The following RBFOX1 variants were observed in gnomAD, a reference collection of about 807,000 sequenced individuals.
The protein encoded by RBFOX1 is RNA binding fox-1 homolog 1, also known as RNA binding protein fox-1 homolog 1.
A neutral mutation model predicts 57.7 loss-of-function variants in RBFOX1; 8 were observed. The observed-to-expected ratio is 0.14, with a 90% CI of 0.08 to 0.25. The LOEUF (loss-of-function observed/expected upper bound fraction) is 0.25. Ranked by LOEUF, RBFOX1 falls within the 10% of genes least tolerant of loss-of-function variation. The probability of loss-of-function intolerance (pLI) is 1.00; values close to 1 mark genes in which losing one functional copy is unlikely to be tolerated. For missense variants in RBFOX1, 611 were observed against 548.5 expected, an observed-to-expected ratio of 1.11 and a Z score of -1.14; for synonymous variants, 326 against 222.4, an observed-to-expected ratio of 1.47 and a Z score of -4.15.
intron 1 of RBFOX1, among the ~76,000 whole-genome samples, chr16:6,261,564 C>G (rs754944763): frequency 6.6e-6 from 1 of 152,222 alleles, no homozygotes; most frequent in South Asian, 2.1e-4. Context: ...GGAATCGAGC[C>G]TTCTCAGCCA....
intron 2 of RBFOX1, among the ~76,000 whole-genome samples, chr16:6,386,183 T>G (rs1458550847): frequency 1.8e-4 from 28 of 152,100 alleles, no homozygotes; most frequent in Admixed American, 1.8e-3. Context: ...GATCCGCCCG[T>G]CTCGGCCTCC....
chr16:7,253,856 G>A (rs998086498), intron 4 of RBFOX1, among the ~76,000 whole-genome samples: 5 of 152,126 alleles, frequency 3.3e-5, no homozygotes, highest in Non-Finnish European at 5.9e-5. Context: ...GAGCTCTTGA[G>A]AAATGCATAT....
At chr16:6,688,487 AT>A (rs2059762762) in intron 3 of RBFOX1, among the ~76,000 whole-genome samples, 1 of 152,036 alleles carries the variant, frequency 6.6e-6, no homozygotes, top group African/African-American at 2.4e-5. Flanking sequence ...GGGGATTTTC[AT>A]TTTCTCCATA....
Position 5,708,718 on chromosome 16 carries a change from C to T in RBFOX1, c.318+109757C>T, listed in dbSNP as rs776876781. Reference sequence around the variant, plus strand: ...GTTGTTCCAGTGGTATATCTGGCACCGGCTTGGGCAATAAAAATCCATCTT... The same window carrying T: ...GTTGTTCCAGTGGTATATCTGGCACTGGCTTGGGCAATAAAAATCCATCTT... On this transcript the variant is annotated intron_variant, in intron 3 of 19. Coordinates refer to the RBFOX1 transcript ENST00000641259. 5.9e-5 allele frequency among the ~76,000 whole-genome samples: 9 copies of T among 152,110 alleles called. No homozygotes were observed. In the East Asian group the frequency reaches 7.7e-4, roughly 13 times the overall value.
intron 2 of RBFOX1, among the ~76,000 whole-genome samples, chr16:5,552,117 A>C (rs1036477461): frequency 6.6e-6 from 1 of 152,166 alleles, no homozygotes; most frequent in African/African-American, 2.4e-5. Flanking sequence ...AAGATAATGT[A>C]GTCAGCCCAG....
In RBFOX1 at chr16:6,165,730, G is replaced by A. The variant is rs952637807; in HGVS notation, c.-127+145738G>A. On this transcript the variant is annotated intron_variant, in intron 1 of 15. Coordinates refer to ENST00000550418, the MANE Select transcript of RBFOX1 (RefSeq NM_018723.4). Reference sequence around the variant, plus strand: ...AAATGAAATGTTTTATGGCTACAGCGTAATGCTCTCCTCATTTTTGTTCAG... The same window carrying A: ...AAATGAAATGTTTTATGGCTACAGCATAATGCTCTCCTCATTTTTGTTCAG... Among the ~76,000 whole-genome samples the A allele has an allele frequency of 9.9e-5, 15 of 152,206 alleles. No individual in the cohort carries two copies. The East Asian group carries it at 2.5e-3, about 25-fold the overall frequency.
intron 5 of RBFOX1, among the ~76,000 whole-genome samples, chr16:7,548,197 G>T (rs2085171828): frequency 6.6e-6 from 1 of 152,114 alleles, no homozygotes; most frequent in Non-Finnish European, 1.5e-5. Context: ...TTGAGACAGA[G>T]AGTCCCATCT....
intron 3 of RBFOX1, among the ~76,000 whole-genome samples, chr16:5,766,599 C>G (rs890890501): frequency 2.0e-5 from 3 of 152,038 alleles, no homozygotes; most frequent in African/African-American, 7.2e-5. Flanking sequence ...AACAAACAAA[C>G]AAACAAAATG....
At chr16:6,508,391 C>T (rs181196856) in intron 2 of RBFOX1, among the ~76,000 whole-genome samples, 1 of 152,234 alleles carries the variant, frequency 6.6e-6, no homozygotes, top group East Asian at 1.9e-4. Flanking sequence ...TGTAAGTAGA[C>T]TTAACACTCC....
intron 2 of RBFOX1, among the ~76,000 whole-genome samples, chr16:5,592,012 C>G (rs1596366902): frequency 6.6e-6 from 1 of 152,188 alleles, no homozygotes; most frequent in Non-Finnish European, 1.5e-5. Flanking sequence ...CAAATTTCTT[C>G]TTTGTCAGTC....
intron 1 of RBFOX1, among the ~76,000 whole-genome samples, chr16:6,178,147 G>A (rs1476208876): frequency 1.4e-5 from 2 of 144,514 alleles, no homozygotes; most frequent in Non-Finnish European, 3.0e-5. Flanking sequence ...GGACCAGCCT[G>A]TGTCCTTGCC....
At chr16:7,325,406 C>T (rs766286377) in intron 4 of RBFOX1, among the ~76,000 whole-genome samples, 1 of 152,198 alleles carries the variant, frequency 6.6e-6, no homozygotes, top group Non-Finnish European at 1.5e-5. Flanking sequence ...AACTACTATA[C>T]TATGGTGCTT....
chr16:6,124,226 G>T (rs1050475992), intron 1 of RBFOX1, among the ~76,000 whole-genome samples: 1 of 152,150 alleles, frequency 6.6e-6, no homozygotes, highest in African/African-American at 2.4e-5. Context: ...GTCCATGCTG[G>T]GTCCACATTC....
chr16:6,169,152 G>A (rs926895631), intron 1 of RBFOX1, among the ~76,000 whole-genome samples: 1 of 152,174 alleles, frequency 6.6e-6, no homozygotes, highest in African/African-American at 2.4e-5. Flanking sequence ...TGATCTTGGG[G>A]TCATTGGAGT....
At chr16:6,887,814 C>G (rs955603763) in intron 3 of RBFOX1, among the ~76,000 whole-genome samples, 1 of 152,056 alleles carries the variant, frequency 6.6e-6, no homozygotes, top group African/African-American at 2.4e-5. Context: ...AGGCACTCGT[C>G]ACCACACCTG....
intron 1 of RBFOX1, among the ~76,000 whole-genome samples, chr16:5,318,942 A>G (rs1045425174): frequency 4.6e-5 from 7 of 152,072 alleles, no homozygotes; most frequent in African/African-American, 7.2e-5. Context: ...CCTGGTCAGC[A>G]TGGTGAAACC....
chr16:7,651,087 C>T (rs1187015922), intron 11 of RBFOX1, among the ~76,000 whole-genome samples: 3 of 152,136 alleles, frequency 2.0e-5, no homozygotes, highest in Non-Finnish European at 2.9e-5. Context: ...TTAAAAATAA[C>T]CTTTATGGTC....
intron 4 of RBFOX1, among the ~76,000 whole-genome samples, chr16:7,468,648 A>G (rs1371887580): frequency 6.6e-6 from 1 of 152,106 alleles, no homozygotes. Context: ...GTTGGTGAAA[A>G]TGCCAGAGGA....
intron 5 of RBFOX1, among the ~76,000 whole-genome samples, chr16:7,518,700 A>G (rs1200528557): frequency 6.6e-6 from 1 of 152,060 alleles, no homozygotes; most frequent in Non-Finnish European, 1.5e-5. Flanking sequence ...TTTGGAAAAA[A>G]AAAATTTGAT....
Sources: gnomAD v4.1 joint callset for allele counts (sites outside exome capture counted in the v4.1 genomes callset) on GRCh38, gnomAD v4.1.1 for gene constraint, MANE v1.5 for transcripts, NCBI Gene and HGNC (gene_info 2026-07-23, HGNC 2026-07-21) for gene names.